Variants in GRM1 observed in about 807,000 individuals in gnomAD.
GRM1 encodes metabotropic glutamate receptor 1.
A neutral mutation model predicts 90.9 loss-of-function variants in GRM1; 33 were observed. The observed-to-expected ratio is 0.36, with a 90% CI of 0.28 to 0.49. The LOEUF (loss-of-function observed/expected upper bound fraction) is 0.49, where lower values mean the gene tolerates loss of function less well. GRM1 is among the 20% of genes least tolerant of loss of function. The pLI is 0.99. For missense variants in GRM1, 1,190 were observed against 1,534.3 expected (o/e 0.78, Z 3.75); for synonymous variants, 700 against 613.2 (o/e 1.14, Z -2.09).
chr6:146,393,963 A>G (rs990044255), intron 6 of GRM1, among the ~76,000 whole-genome samples: 1 of 152,110 alleles, frequency 6.6e-6, no homozygotes, highest in Non-Finnish European at 1.5e-5. Context: ...TAACACACAC[A>G]TCTACAGCCA....
At chr6:146,335,935 T>C (rs1784757450) in intron 3 of GRM1, among the ~76,000 whole-genome samples, 1 of 152,130 alleles carries the variant, frequency 6.6e-6, no homozygotes, top group Non-Finnish European at 1.5e-5. Flanking sequence ...AGAGATCTGA[T>C]GGTTTTACAG....
intron 2 of GRM1, among the ~76,000 whole-genome samples, chr6:146,294,336 A>G (rs988562716): frequency 6.6e-6 from 1 of 151,954 alleles, no homozygotes; most frequent in Non-Finnish European, 1.5e-5. Context: ...TTTAACTTCA[A>G]TTTCCTTAGA....
intron 2 of GRM1, among the ~76,000 whole-genome samples, chr6:146,193,247 C>T (rs781476108): frequency 6.6e-6 from 1 of 152,016 alleles, no homozygotes; most frequent in Non-Finnish European, 1.5e-5. Flanking sequence ...TGAAGATGCA[C>T]ATTTGGGAGT....
chr6:146,210,007 A>G (rs139367282), intron 2 of GRM1, among the ~76,000 whole-genome samples: 36 of 152,312 alleles, frequency 2.4e-4, no homozygotes, highest in African/African-American at 5.5e-4. Flanking sequence ...TATACAAAGA[A>G]CAACCATGCT....
At chr6:146,358,595 C>CTG (rs1775320640) in intron 5 of GRM1, among the ~76,000 whole-genome samples, 1 of 152,168 alleles carries the variant, frequency 6.6e-6, no homozygotes, top group Admixed American at 6.5e-5. Flanking sequence ...TGCTGACATG[C>CTG]CGCTGTACCA....
chr6:146,324,482 T>C (rs1269659918), intron 3 of GRM1, among the ~76,000 whole-genome samples: 1 of 148,758 alleles, frequency 6.7e-6, no homozygotes, highest in Admixed American at 7.4e-5. Context: ...TTTAAAAAAC[T>C]CCTGCAGCTA....
intron 1 of GRM1, among the ~76,000 whole-genome samples, chr6:146,121,221 G>A (rs1370998143): frequency 1.3e-5 from 2 of 152,104 alleles, no homozygotes; most frequent in Non-Finnish European, 2.9e-5. Context: ...TAGTTTATTT[G>A]CGTCGAGGTG....
chr6:146,387,010 C>G lies in GRM1; in HGVS notation c.1723C>G (p.Leu575Val), dbSNP rs1193170688. 13 of 1,612,992 alleles carry G rather than the reference C, an allele frequency of 8.1e-6. No homozygotes were observed. Among genetic ancestry groups the G allele is most frequent in the Non-Finnish European group, 1.1e-5 (13 of 1,179,146 alleles). The change falls in exon 6 of 8, where the codon CTA becomes GTA. Residue 575 changes from leucine (L) to valine (V), a missense_variant. Leu to Val is a conservative substitution (Grantham distance 32, BLOSUM62 1). This residue lies in a region of GRM1 where 414 missense variants were observed against 598.4 expected (regional missense o/e 0.69). Coordinates refer to ENST00000282753, the MANE Select transcript of GRM1 (RefSeq NM_001278064.2). Reference sequence around the variant, plus strand: ...CTTGGGATGGTGGCCCAATGCAGATCTAACAGGTAGGAACTGCCTCACTTG... The same window carrying G: ...CTTGGGATGGTGGCCCAATGCAGATGTAACAGGTAGGAACTGCCTCACTTG... ...CDLGWWPNAD[L>V]TGCEPIPVRY...
At chr6:146,175,774 C>A (rs1452015525) in intron 2 of GRM1, among the ~76,000 whole-genome samples, 1 of 151,934 alleles carries the variant, frequency 6.6e-6, no homozygotes, top group Non-Finnish European at 1.5e-5. Flanking sequence ...ATATGCTATA[C>A]CTTACTAGCC....
intron 3 of GRM1, among the ~76,000 whole-genome samples, chr6:146,334,573 C>T (rs952488238): frequency 6.6e-6 from 1 of 152,138 alleles, no homozygotes; most frequent in East Asian, 1.9e-4. Context: ...ATGTATGGTT[C>T]TCCATTCTGT....
chr6:146,404,282 C>G (rs921138024), intron 7 of GRM1, among the ~76,000 whole-genome samples: 1 of 151,958 alleles, frequency 6.6e-6, no homozygotes, highest in Admixed American at 6.6e-5. Flanking sequence ...CAACAGTAAG[C>G]TTAAAAGCAC....
At chr6:146,050,001 TCTC>T (rs1791469723) in intron 1 of GRM1, among the ~76,000 whole-genome samples, 2 of 151,930 alleles carry the variant, frequency 1.3e-5, no homozygotes, top group African/African-American at 4.8e-5. Context: ...CTACGTATAA[TCTC>T]CTGTATAAGG....
chr6:146,408,750 A>G (rs556096569), intron 7 of GRM1, among the ~76,000 whole-genome samples: 1 of 152,274 alleles, frequency 6.6e-6, no homozygotes, highest in Admixed American at 6.5e-5. Context: ...GTGAAGAAGG[A>G]CACCCTGTAT....
intron 5 of GRM1, among the ~76,000 whole-genome samples, chr6:146,380,497 T>C (rs1483552147): frequency 6.6e-6 from 1 of 152,084 alleles, no homozygotes; most frequent in Non-Finnish European, 1.5e-5. Context: ...TGAAGTCAGC[T>C]TGTGGTAAAT....
intron 5 of GRM1, among the ~76,000 whole-genome samples, chr6:146,363,309 T>G (rs1312381044): frequency 6.6e-6 from 1 of 152,160 alleles, no homozygotes; most frequent in Non-Finnish European, 1.5e-5. Context: ...CTAAGATCCT[T>G]CCTTAGCTCC....
chr6:146,033,517 A>T (rs2128836701), intron 1 of GRM1, among the ~76,000 whole-genome samples: 1 of 152,174 alleles, frequency 6.6e-6, no homozygotes, highest in East Asian at 1.9e-4. Context: ...GAGTGGATAA[A>T]TTTTCATTCA....
At chr6:146,090,716 G>T (rs569072434) in intron 1 of GRM1, among the ~76,000 whole-genome samples, 14 of 152,162 alleles carry the variant, frequency 9.2e-5, no homozygotes, top group African/African-American at 3.4e-4. Flanking sequence ...GCCACACAGT[G>T]ACGATAAAAG....
At chr6:146,204,796 C>T (rs1227644440) in intron 2 of GRM1, among the ~76,000 whole-genome samples, 1 of 152,146 alleles carries the variant, frequency 6.6e-6, no homozygotes, top group Non-Finnish European at 1.5e-5. Context: ...AGCAGGGGCA[C>T]TTTTGTGCAC....
chr6:146,058,938 T>G (rs1775574258), intron 1 of GRM1, among the ~76,000 whole-genome samples: 1 of 152,142 alleles, frequency 6.6e-6, no homozygotes, highest in African/African-American at 2.4e-5. Context: ...TCTAGTTCTT[T>G]TATTGTTTCC....
Sources: allele counts gnomAD v4.1 joint callset (sites outside exome capture counted in the v4.1 genomes callset), GRCh38; gene constraint gnomAD v4.1.1; regional missense constraint gnomAD v4.1.1; transcripts MANE v1.5; gene names NCBI Gene and HGNC (gene_info 2026-07-23, HGNC 2026-07-21).